CSMD1: variants seen among roughly 807,000 people sequenced by gnomAD.
CSMD1 encodes CUB and Sushi multiple domains 1, also known as CUB and sushi domain-containing protein 1.
Under a neutral mutation model 417.5 loss-of-function variants are expected in CSMD1, and 213 were observed. That is an observed-to-expected ratio of 0.51 (90% CI 0.46 to 0.57). CSMD1 has a LOEUF of 0.57. Among genes scored for constraint, CSMD1 ranks in the 20% least tolerant of loss-of-function variants. CSMD1 has a pLI of 0.00. For synonymous variants in CSMD1, 2,862 were observed against 1,736.8 expected, an observed-to-expected ratio of 1.65 and a Z score of -16.11; for missense variants, 6,923 against 4,529.7, an observed-to-expected ratio of 1.53 and a Z score of -15.17.
intron 29 of CSMD1, among the ~76,000 whole-genome samples, chr8:3,218,298 A>G (rs1044569919): frequency 6.6e-6 from 1 of 152,110 alleles, no homozygotes; most frequent in Non-Finnish European, 1.5e-5. Context: ...GCGGTGGCTC[A>G]CGCCTGTAAT....
At chr8:3,495,843 C>G (rs779362626) in intron 10 of CSMD1, among the ~76,000 whole-genome samples, 4 of 152,188 alleles carry the variant, frequency 2.6e-5, no homozygotes, top group African/African-American at 7.2e-5. Context: ...TTATGTCTTG[C>G]ATGGACTCCC....
intron 46 of CSMD1, among the ~76,000 whole-genome samples, chr8:3,099,450 T>A (rs1304366982): frequency 6.6e-6 from 1 of 152,174 alleles, no homozygotes; most frequent in Non-Finnish European, 1.5e-5. Context: ...TGACTTTGGG[T>A]CTATTCATCC....
At chr8:3,074,529 G>T (rs762511282) in intron 49 of CSMD1, among the ~76,000 whole-genome samples, 20 of 152,172 alleles carry the variant, frequency 1.3e-4, no homozygotes, top group Non-Finnish European at 2.6e-4. Flanking sequence ...AGCCTATTTG[G>T]ATTACCCGAA....
rs139466960 is a variant in CSMD1, at chr8:3,655,225, C to T, written c.1010-38428G>A. Among the ~76,000 whole-genome samples the T allele has an allele frequency of 4.5e-4, 69 of 152,186 alleles. 1 individual carries two copies. The highest frequency in any genetic ancestry group is 4.1e-4 in the South Asian group (2 of 4,824). On this transcript the variant is annotated intron_variant, in intron 7 of 69. Transcript: ENST00000635120. ...ACCAACTTTTAATGATCATCTAAAA[C>T]GTCAAGGTTTTGGTTACTACAAAAC...
At chr8:3,225,327 G>A (rs931096072) in intron 27 of CSMD1, among the ~76,000 whole-genome samples, 5 of 150,834 alleles carry the variant, frequency 3.3e-5, no homozygotes, top group East Asian at 3.9e-4. Flanking sequence ...ACAGATATAC[G>A]TTCAAGAGTA....
rs555484989 is a variant in CSMD1, at chr8:3,286,596, CAT to C, written c.3951-2252_3951-2251del. Among the ~76,000 whole-genome samples, 165 of 152,080 alleles carry C rather than the reference CAT, an allele frequency of 1.1e-3. 2 individuals are homozygous for C. In the East Asian group the frequency reaches 0.024, roughly 22 times the overall value. On this transcript the variant is annotated intron_variant, in intron 25 of 69. Coordinates refer to ENST00000635120, the MANE Select transcript of CSMD1 (RefSeq NM_033225.6). ...TGGCCGGTGATAATGAGCATTTTTT[CAT>C]ATGTTTTTTGGCTGCATAAATGTCT...
chr8:4,204,308 C>A (rs1169766428), intron 3 of CSMD1, among the ~76,000 whole-genome samples: 2 of 151,362 alleles, frequency 1.3e-5, no homozygotes, highest in Admixed American at 6.6e-5. Flanking sequence ...TTTTCTTTCT[C>A]AGAATCAGAA....
intron 1 of CSMD1, among the ~76,000 whole-genome samples, chr8:4,933,294 C>A (rs933095186): frequency 1.3e-5 from 2 of 152,278 alleles, no homozygotes; most frequent in Non-Finnish European, 2.9e-5. Flanking sequence ...CTCAGAGGAG[C>A]ACAACCTGTC....
chr8:3,872,222 T>C (rs1805525375), intron 5 of CSMD1, among the ~76,000 whole-genome samples: 1 of 152,168 alleles, frequency 6.6e-6, no homozygotes, highest in Non-Finnish European at 1.5e-5. Context: ...TCATTCTGGT[T>C]GTTGTCGTTG....
chr8:3,301,827 G>A (rs718122), intron 25 of CSMD1, among the ~76,000 whole-genome samples: 75,121 of 152,016 alleles, frequency 0.49, 20,814 homozygotes, highest in South Asian at 0.63. Flanking sequence ...AAGGTCAGTT[G>A]AGAGAAGACT....
Position 3,516,065 on chromosome 8 carries a change from C to G in CSMD1, c.1345-22339G>C, listed in dbSNP as rs144714860. ...CCTATTAGAACTCCCTACTGTAGAA[C>G]TGGGAAACTGGAGCTCAGACAGCCT... is the stretch of plus-strand genomic sequence containing the variant. On this transcript the variant is annotated intron_variant, in intron 10 of 69. Coordinates refer to ENST00000635120, the MANE Select transcript of CSMD1 (RefSeq NM_033225.6). 2.6e-5 allele frequency among the ~76,000 whole-genome samples: 4 copies of G among 152,014 alleles called. 1 individual carries two copies. The highest frequency in any genetic ancestry group is 4.1e-4 in the South Asian group (2 of 4,832).
At chr8:4,137,413 C>T (rs989639543) in intron 3 of CSMD1, among the ~76,000 whole-genome samples, 7 of 77,924 alleles carry the variant, frequency 9.0e-5, no homozygotes, top group African/African-American at 2.1e-4. Context: ...AAAGTTATCG[C>T]TTGTGTTTAA....
intron 5 of CSMD1, among the ~76,000 whole-genome samples, chr8:3,897,868 C>G (rs1384481254): frequency 2.0e-5 from 3 of 152,074 alleles, no homozygotes; most frequent in Non-Finnish European, 4.4e-5. Flanking sequence ...TTCTTATAGC[C>G]TATGGAATCT....
At chr8:3,519,409 A>C (rs7836334) in intron 10 of CSMD1, among the ~76,000 whole-genome samples, 23,297 of 152,142 alleles carry the variant, frequency 0.15, 1,958 homozygotes, top group Admixed American at 0.22. Flanking sequence ...CTAGTCTGGT[A>C]ATTGCATGCT....
intron 3 of CSMD1, among the ~76,000 whole-genome samples, chr8:4,257,935 T>G (rs117498168): frequency 0.018 from 2,757 of 152,230 alleles, 44 homozygotes; most frequent in Non-Finnish European, 0.028. Flanking sequence ...AATAATAGCC[T>G]TTTTCAAAAT....
chr8:4,176,296 GT>G (rs1315299027), intron 3 of CSMD1, among the ~76,000 whole-genome samples: 1 of 152,074 alleles, frequency 6.6e-6, no homozygotes, highest in East Asian at 1.9e-4. Context: ...TCTATAGCAA[GT>G]GTCCATCTTA....
intron 3 of CSMD1, among the ~76,000 whole-genome samples, chr8:4,324,063 A>G (rs1799418601): frequency 6.6e-6 from 1 of 152,158 alleles, no homozygotes; most frequent in African/African-American, 2.4e-5. Context: ...AATTTACCCG[A>G]GGCCAAGCTT....
chr8:3,239,161 A>C (rs1227948392), intron 26 of CSMD1, among the ~76,000 whole-genome samples: 1 of 152,172 alleles, frequency 6.6e-6, no homozygotes, highest in Non-Finnish European at 1.5e-5. Flanking sequence ...GAGCTTGGTA[A>C]GGTTTTAAAA....
At chr8:3,346,461 C>T (rs181202316) in intron 22 of CSMD1, among the ~76,000 whole-genome samples, 1 of 152,184 alleles carries the variant, frequency 6.6e-6, no homozygotes, top group African/African-American at 2.4e-5. Flanking sequence ...TAAGAATGTG[C>T]TAGTTTCCTG....
Sources: allele counts gnomAD v4.1 joint callset (sites outside exome capture counted in the v4.1 genomes callset), GRCh38; gene constraint gnomAD v4.1.1; transcripts MANE v1.5; gene names NCBI Gene and HGNC (gene_info 2026-07-23, HGNC 2026-07-21).